Variants in CFAP36 observed in about 807,000 individuals in gnomAD.
CFAP36 encodes cilia- and flagella-associated protein 36.
CFAP36 carries 37 observed loss-of-function variants against 50.5 expected under a neutral mutation model. The observed-to-expected ratio is 0.73, with a 90% CI of 0.56 to 0.96. The LOEUF (loss-of-function observed/expected upper bound fraction) is 0.96. Ranked by LOEUF, CFAP36 falls within the 50% of genes least tolerant of loss-of-function variation. The pLI is 0.00. For synonymous variants in CFAP36, 138 were observed against 128.2 expected (o/e 1.08, Z -0.52); for missense variants, 407 against 396.2 (o/e 1.03, Z -0.23).
chr2:55,539,991 C>G (rs1294554888), intron 7 of CFAP36, among the ~76,000 whole-genome samples: 1 of 152,072 alleles, frequency 6.6e-6, no homozygotes, highest in Non-Finnish European at 1.5e-5. Context: ...GGTTCATTTT[C>G]TTATTGTTGA....
intron 7 of CFAP36, among the ~76,000 whole-genome samples, chr2:55,542,157 T>C (rs949389236): frequency 1.3e-5 from 2 of 152,234 alleles, no homozygotes; most frequent in Non-Finnish European, 2.9e-5. Flanking sequence ...ACATACACTA[T>C]TTAAATCTTG....
intron 3 of CFAP36, 43 bp downstream of exon 3, chr2:55,523,865 A>G (rs769202420): frequency 7.7e-7 from 1 of 1,291,148 alleles, no homozygotes; most frequent in Non-Finnish European, 1.1e-6. Context: ...GTTTTAACAA[A>G]TGCCCAGGGT....
rs1684563220 is a variant in CFAP36 at position 55,538,909 on chromosome 2, T to C, written c.640+1324T>C. ...TCTATAATTGAGATTAGTGTGATGTTTACCCATTAATTTTTTAATGTAAGT... is the reference window on the plus strand; with the variant it reads ...TCTATAATTGAGATTAGTGTGATGTCTACCCATTAATTTTTTAATGTAAGT... On this transcript the variant is annotated intron_variant, in intron 7 of 9. Transcript: ENST00000349456. 5 of 1,453,190 alleles carry C rather than the reference T, an allele frequency of 3.4e-6. No homozygotes were observed. The Admixed American group carries it at 1.2e-4, about 34-fold the overall frequency. 90.0% of individuals were successfully genotyped at this position (1,453,190 alleles called of 1,614,324 possible). A position where few individuals can be genotyped will look rare whatever the true frequency, so the allele number is the denominator to read the frequency against.
rs183748966 is a variant in CFAP36, at chr2:55,536,854, C to T, written c.538-629C>T. Among the ~76,000 whole-genome samples the T allele has an allele frequency of 5.7e-4, 87 of 152,070 alleles. 1 individual carries two copies. Among genetic ancestry groups the T allele is most frequent in the South Asian group, 5.2e-3 (25 of 4,818 alleles). ...CTGCCTCCCAGGCTCAAGCGATTCT[C>T]GTGCCTCAGCCTCCCCAGTAGCTGG... On this transcript the variant is annotated intron_variant, in intron 6 of 9. Coordinates refer to ENST00000349456, the MANE Select transcript of CFAP36 (RefSeq NM_080667.7).
At chr2:55,525,217 C>A (rs922764559) in intron 3 of CFAP36, among the ~76,000 whole-genome samples, 1 of 152,004 alleles carries the variant, frequency 6.6e-6, no homozygotes, top group African/African-American at 2.4e-5. Context: ...TTTGGGAGAC[C>A]AAGACAGGAG....
At chr2:55,522,498 T>C (rs1434287338) in intron 2 of CFAP36, among the ~76,000 whole-genome samples, 1 of 152,214 alleles carries the variant, frequency 6.6e-6, no homozygotes, top group East Asian at 1.9e-4. Flanking sequence ...TTATTTTTTA[T>C]TTTTGAGACA....
At chr2:55,543,335 A>G (rs886839523) in intron 7 of CFAP36, among the ~76,000 whole-genome samples, 3 of 152,174 alleles carry the variant, frequency 2.0e-5, no homozygotes, top group Non-Finnish European at 4.4e-5. Context: ...AAATGGCTGG[A>G]AAGTATTTAG....
rs776607466 is a variant in CFAP36 at position 55,519,755 on chromosome 2, C to A, written c.-47C>A. The A allele has an allele frequency of 6.3e-7, 1 of 1,595,520 alleles. No homozygotes were observed. The highest frequency in any genetic ancestry group is 8.6e-7 in the Non-Finnish European group (1 of 1,163,644). On this transcript the variant is annotated 5_prime_UTR_variant, in exon 1 of 10. Transcript: ENST00000349456. ...TGTGGCCCAAAGGCCTAACCGGGGT[C>A]CGGCGGTCTGGCCTAGGGATCTTCC... is the stretch of plus-strand genomic sequence containing the variant.
intron 3 of CFAP36, among the ~76,000 whole-genome samples, chr2:55,525,740 C>T (rs1168444426): frequency 2.0e-5 from 3 of 152,238 alleles, no homozygotes; most frequent in East Asian, 1.9e-4. Flanking sequence ...AAGTGATTCT[C>T]CTGCCTCAGC....
In CFAP36 at chr2:55,528,867, T is replaced by A; in HGVS notation, c.283-11T>A. Reference sequence around the variant, plus strand: ...TTGAATCTTCATTTCACTTGAGACTTCTTTCCACAGGCCATTTTGCAACCT... The same window carrying A: ...TTGAATCTTCATTTCACTTGAGACTACTTTCCACAGGCCATTTTGCAACCT... On this transcript the variant is annotated splice_polypyrimidine_tract_variant and intron_variant, in intron 3 of 9. Transcript: ENST00000349456. The A allele has an allele frequency of 6.4e-7, 1 of 1,558,812 alleles. No homozygotes were observed. The highest frequency in any genetic ancestry group is 8.8e-7 in the Non-Finnish European group (1 of 1,141,680).
At position 55,522,162 on chromosome 2, in the gene CFAP36, A is replaced by G; in HGVS notation, c.176A>G (p.Glu59Gly). The G allele has an allele frequency of 6.6e-7, 1 of 1,506,636 alleles. No individual in the cohort carries two copies. Among genetic ancestry groups the G allele is most frequent in the Non-Finnish European group, 9.1e-7 (1 of 1,103,210 alleles). 93.3% of individuals were successfully genotyped at this position (1,506,636 alleles called of 1,614,324 possible). ...TYTEIHQEYKELVEKLLEGYL... is the reference protein window; with the variant it reads ...TYTEIHQEYKGLVEKLLEGYL... The stretch of plus-strand genomic sequence containing the variant: ...ACAGAGATTCATCAGGAATACAAAG[A>G]ACTAGTGAGTATTTTTTTTCACTGA... The change falls in exon 2 of 10, where the codon GAA becomes GGA. Residue 59 changes from glutamate to glycine, a missense_variant. Coordinates refer to ENST00000349456, the MANE Select transcript of CFAP36 (RefSeq NM_080667.7).
intron 3 of CFAP36, among the ~76,000 whole-genome samples, chr2:55,527,349 G>A (rs960287165): frequency 3.3e-5 from 5 of 151,702 alleles, no homozygotes; most frequent in Non-Finnish European, 7.4e-5. Flanking sequence ...TTGGGAGGCC[G>A]AGGTGGGTGG....
chr2:55,541,404 T>C (rs1684635570), intron 7 of CFAP36, among the ~76,000 whole-genome samples: 1 of 152,246 alleles, frequency 6.6e-6, no homozygotes, highest in Non-Finnish European at 1.5e-5. Context: ...ATTTTGTAGT[T>C]TTCCTCATAT....
chr2:55,544,786 G>C (rs1684728420), intron 9 of CFAP36, 121 bp from the exon 10 acceptor site: 1 of 640,498 alleles, frequency 1.6e-6, no homozygotes, highest in Non-Finnish European at 2.8e-6. Flanking sequence ...GTCTATGTCT[G>C]TCTCTCCCTC....
At chr2:55,538,862 TAAACC>T in intron 7 of CFAP36, 1 of 1,511,288 alleles carries the variant, frequency 6.6e-7, no homozygotes. Context: ...TATATTCTTC[TAAACC>T]TTAGTTTAGA....
chr2:55,525,299 A>G (rs1293757129), intron 3 of CFAP36, among the ~76,000 whole-genome samples: 2 of 152,068 alleles, frequency 1.3e-5, no homozygotes, highest in Admixed American at 6.6e-5. Context: ...AAAAAATATA[A>G]AAGTTAGCTT....
intron 8 of CFAP36, 30 bp downstream of exon 8, chr2:55,544,104 A>C: frequency 6.2e-7 from 1 of 1,612,472 alleles, no homozygotes; most frequent in Non-Finnish European, 8.5e-7. Flanking sequence ...TAAGAACTAT[A>C]AGCAAAATGA....
At position 55,544,901 on chromosome 2, in the gene CFAP36, TTTCAGGAAA is replaced by T; in HGVS notation, c.928-4_932del. On this transcript the variant is annotated splice_acceptor_variant and splice_polypyrimidine_tract_variant and coding_sequence_variant and intron_variant, in exon 10 of 10. Coordinates refer to ENST00000349456, the MANE Select transcript of CFAP36 (RefSeq NM_080667.7). LOFTEE classifies it high-confidence loss of function. ...TACTGTAGCCAATTTTTTCTTTTTT[TTTCAGGAAA>T]TGACAGAGAAACCAGAAATGACAGC... The T allele has an allele frequency of 6.3e-7, 1 of 1,577,938 alleles. No individual in the cohort carries two copies. Among genetic ancestry groups the T allele is most frequent in the Non-Finnish European group, 8.6e-7 (1 of 1,164,710 alleles).
intron 7 of CFAP36, among the ~76,000 whole-genome samples, chr2:55,540,727 T>C (rs1684616255): frequency 6.6e-6 from 1 of 152,198 alleles, no homozygotes; most frequent in Non-Finnish European, 1.5e-5. Flanking sequence ...AAACATGGAA[T>C]AGGCCGGGCA....
Sources: gnomAD v4.1 joint callset for allele counts (sites outside exome capture counted in the v4.1 genomes callset) on GRCh38, gnomAD v4.1.1 for gene constraint, MANE v1.5 for transcripts, NCBI Gene and HGNC (gene_info 2026-07-23, HGNC 2026-07-21) for gene names.